CTIF: variants seen among roughly 807,000 people sequenced by gnomAD.
CTIF encodes the protein cap binding complex dependent translation initiation factor.
In CTIF, 21 loss-of-function variants were observed where a neutral mutation model predicts 66.0. The ratio of observed to expected loss-of-function variants is 0.32; its 90% CI spans 0.23 to 0.46. CTIF has a LOEUF of 0.46. CTIF is among the 20% of genes least tolerant of loss of function. The probability of loss-of-function intolerance (pLI) is 1.00; values close to 1 mark genes in which losing one functional copy is unlikely to be tolerated. For missense variants in CTIF, 739 were observed against 812.7 expected, an observed-to-expected ratio of 0.91 and a Z score of 1.10; for synonymous variants, 345 against 326.4, an observed-to-expected ratio of 1.06 and a Z score of -0.62.
chr18:48,662,003 T>A (rs940966750), intron 3 of CTIF: 1 of 152,068 alleles, frequency 6.6e-6, no homozygotes, highest in African/African-American at 2.4e-5. Flanking sequence ...CTATCTCCTG[T>A]GGGAGAGAGG....
chr18:48,601,376 A>G (rs2090087497), intron 1 of CTIF, among the ~76,000 whole-genome samples: 1 of 152,258 alleles, frequency 6.6e-6, no homozygotes, highest in South Asian at 2.1e-4. Flanking sequence ...CTGTGCGTGC[A>G]CAACAGGAAT....
chr18:48,805,947 A>G (rs1166144370), intron 9 of CTIF, among the ~76,000 whole-genome samples: 1 of 152,260 alleles, frequency 6.6e-6, no homozygotes, highest in African/African-American at 2.4e-5. Context: ...TCCAGGGGAC[A>G]TGAAGATGGC....
chr18:48,609,679 G>T (rs1377948664), intron 1 of CTIF, among the ~76,000 whole-genome samples: 1 of 152,184 alleles, frequency 6.6e-6, no homozygotes, highest in Non-Finnish European at 1.5e-5. Flanking sequence ...GGGCAGTGAG[G>T]AAGCCACCTG....
intron 6 of CTIF, among the ~76,000 whole-genome samples, chr18:48,706,032 T>G (rs1356984059): frequency 2.0e-5 from 3 of 152,264 alleles, no homozygotes; most frequent in East Asian, 3.9e-4. Context: ...CCCCTACATT[T>G]GTCGAGTGAG....
At chr18:48,791,478 G>A (rs960450736) in intron 9 of CTIF, among the ~76,000 whole-genome samples, 1 of 152,164 alleles carries the variant, frequency 6.6e-6, no homozygotes, top group Non-Finnish European at 1.5e-5. Context: ...CCCAGGGTTG[G>A]GCAGCCTCTA....
chr18:48,713,819 G>A (rs1439956412), intron 7 of CTIF, among the ~76,000 whole-genome samples: 2 of 152,240 alleles, frequency 1.3e-5, no homozygotes, highest in Non-Finnish European at 1.5e-5. Flanking sequence ...CAGCTAGACC[G>A]AAGACAGACT....
chr18:48,841,129 C>T (rs1231177550), intron 10 of CTIF, among the ~76,000 whole-genome samples: 1 of 152,146 alleles, frequency 6.6e-6, no homozygotes, highest in Non-Finnish European at 1.5e-5. Flanking sequence ...TGGTAAAAGC[C>T]CCCTACATTT....
At chr18:48,604,125 T>A (rs1046933508) in intron 1 of CTIF, among the ~76,000 whole-genome samples, 3 of 144,842 alleles carry the variant, frequency 2.1e-5, no homozygotes, top group African/African-American at 7.7e-5. Context: ...ATTACAGGTG[T>A]GAACCACCAC....
chr18:48,827,200 A>T (rs2068599623), intron 10 of CTIF, among the ~76,000 whole-genome samples: 1 of 152,226 alleles, frequency 6.6e-6, no homozygotes. Context: ...CCATGGAAGG[A>T]ACAAAGGAGC....
chr18:48,598,397 T>A (rs1260960927), intron 1 of CTIF, among the ~76,000 whole-genome samples: 19 of 152,170 alleles, frequency 1.2e-4, no homozygotes, highest in Admixed American at 1.2e-3. Flanking sequence ...GGCAGGCACC[T>A]CTCCGCTCTG....
chr18:48,726,468 AG>A (rs2092388141), intron 7 of CTIF, among the ~76,000 whole-genome samples: 2 of 152,166 alleles, frequency 1.3e-5, no homozygotes, highest in Admixed American at 1.3e-4. Flanking sequence ...CCAGGGGTGT[AG>A]GCATCTGAAG....
intron 1 of CTIF, among the ~76,000 whole-genome samples, chr18:48,576,802 C>T (rs61581352): frequency 2.6e-3 from 399 of 152,356 alleles, no homozygotes; most frequent in African/African-American, 9.3e-3. Context: ...TCCCTATTCT[C>T]CTCCATTAAC....
Position 48,602,711 on chromosome 18 carries a change from G to A in CTIF, c.-28-16827G>A, listed in dbSNP as rs144802763. On this transcript the variant is annotated intron_variant, in intron 1 of 11. Transcript: ENST00000256413. ...CCCTTGATGTCATAACTGTGTGATCGCTTCTCTGCCCTTCGTTTTGTGTCC... is the reference window on the plus strand; with the variant it reads ...CCCTTGATGTCATAACTGTGTGATCACTTCTCTGCCCTTCGTTTTGTGTCC... Among the ~76,000 whole-genome samples, 541 of 152,290 alleles carry A rather than the reference G, an allele frequency of 3.6e-3. 4 individuals are homozygous for A. Among genetic ancestry groups the A allele is most frequent in the African/African-American group, 0.013 (525 of 41,556 alleles).
chr18:48,795,823 T>C (rs1445850202), intron 9 of CTIF, among the ~76,000 whole-genome samples: 1 of 152,216 alleles, frequency 6.6e-6, no homozygotes, highest in African/African-American at 2.4e-5. Flanking sequence ...TTAATGTTTA[T>C]AGAAAACGGC....
chr18:48,727,508 C>T (rs1401590373), intron 7 of CTIF, among the ~76,000 whole-genome samples: 1 of 152,190 alleles, frequency 6.6e-6, no homozygotes, highest in Non-Finnish European at 1.5e-5. Context: ...GTGTCTCTCC[C>T]TTCCAGTCCA....
intron 7 of CTIF, among the ~76,000 whole-genome samples, chr18:48,729,645 TC>T (rs922907083): frequency 1.3e-5 from 2 of 152,202 alleles, no homozygotes; most frequent in African/African-American, 4.8e-5. Flanking sequence ...TGGATTCTTT[TC>T]CACAGGGTTC....
chr18:48,646,924 A>AAC (rs1270597272), intron 3 of CTIF, among the ~76,000 whole-genome samples: 1 of 150,080 alleles, frequency 6.7e-6, no homozygotes, highest in Non-Finnish European at 1.5e-5. Context: ...AAAAAAAAAA[A>AAC]ACGAAACCTG....
chr18:48,740,675 T>C (rs1430323999), intron 7 of CTIF, among the ~76,000 whole-genome samples: 1 of 152,224 alleles, frequency 6.6e-6, no homozygotes, highest in Non-Finnish European at 1.5e-5. Flanking sequence ...TGTCCTGCCT[T>C]GACTGTCACC....
At chr18:48,739,160 A>G (rs1302876584) in intron 7 of CTIF, among the ~76,000 whole-genome samples, 3 of 152,162 alleles carry the variant, frequency 2.0e-5, no homozygotes, top group Admixed American at 6.5e-5. Flanking sequence ...GGTGGGAGTC[A>G]TTACTCTTCA....
Sources: gnomAD v4.1 joint callset for allele counts (sites outside exome capture counted in the v4.1 genomes callset) on GRCh38, gnomAD v4.1.1 for gene constraint, MANE v1.5 for transcripts, NCBI Gene and HGNC (gene_info 2026-07-23, HGNC 2026-07-21) for gene names.